Variants in ITGA11 observed in about 807,000 individuals in gnomAD.
ITGA11 encodes the protein integrin alpha-11.
Under a neutral mutation model 141.9 loss-of-function variants are expected in ITGA11, and 97 were observed. The observed-to-expected ratio is 0.68, with a 90% CI of 0.58 to 0.81. The LOEUF is 0.81. Among genes scored for constraint, ITGA11 ranks in the 30% least tolerant of loss-of-function variants. ITGA11 has a pLI of 0.00. For synonymous variants in ITGA11, 658 were observed against 624.6 expected (o/e 1.05, Z -0.80); for missense variants, 1,387 against 1,559.2 (o/e 0.89, Z 1.86).
At chr15:68,348,794 G>A (rs1358787695) in intron 10 of ITGA11, 36 bp downstream of exon 10, 5 of 1,572,096 alleles carry the variant, frequency 3.2e-6, no homozygotes, top group Middle Eastern at 1.7e-4. Flanking sequence ...TCGAGAGACA[G>A]AGGCTGGGCT....
chr15:68,348,972 C>T, intron 9 of ITGA11, 72 bp from the exon 10 acceptor site: 5 of 1,320,418 alleles, frequency 3.8e-6, no homozygotes, highest in Admixed American at 2.0e-5. Context: ...TGCTGCCCAA[C>T]CCACAGCTCC....
chr15:68,384,281 G>T (rs1375668898), intron 2 of ITGA11, among the ~76,000 whole-genome samples: 1 of 149,350 alleles, frequency 6.7e-6, no homozygotes, highest in African/African-American at 2.5e-5. Context: ...AAAAAAAAAG[G>T]AGACAGAATG....
chr15:68,350,876 G>A, intron 8 of ITGA11, 94 bp from the exon 9 acceptor site: 1 of 1,294,818 alleles, frequency 7.7e-7, no homozygotes, highest in South Asian at 1.5e-5. Context: ...CCCAGGGTGG[G>A]CTGGAGCCAG....
At position 68,325,552 on chromosome 15, in the gene ITGA11, A is replaced by G. The variant is rs1156799090; in HGVS notation, c.2212-311T>C. Reference sequence around the variant, plus strand: ...TACCTCGGCCTCTGGGAAGCCTGGCAGTGCCCGCCTGTATCCCACCCCACC... The same window carrying G: ...TACCTCGGCCTCTGGGAAGCCTGGCGGTGCCCGCCTGTATCCCACCCCACC... On this transcript the variant is annotated intron_variant, in intron 17 of 29. Coordinates refer to ENST00000315757, the MANE Select transcript of ITGA11 (RefSeq NM_001004439.2). The surrounding 1 kb of genome is among the most constrained non-coding windows in gnomAD (Gnocchi z 5.5). Among the ~76,000 whole-genome samples, 7 of 152,350 alleles carry G rather than the reference A, an allele frequency of 4.6e-5. No individual in the cohort carries two copies. In the East Asian group the frequency reaches 5.8e-4, roughly 13 times the overall value.
intron 12 of ITGA11, 78 bp from the exon 13 acceptor site, chr15:68,332,556 GGGA>G: frequency 2.0e-6 from 3 of 1,497,658 alleles, no homozygotes; most frequent in East Asian, 2.4e-5. Context: ...CGCGGGCAGA[GGGA>G]AGCCAAGGTC....
Position 68,325,203 on chromosome 15 carries a change from G to C in ITGA11, c.2250C>G (p.Val750=). Residue 750 remains valine (V), a synonymous_variant, in exon 18 of 30, where the codon GTC becomes GTG. Transcript: ENST00000315757. The surrounding 1 kb of genome is among the most constrained non-coding windows in gnomAD (Gnocchi z 5.5). ...ADYVKPVTFS[V]EYSLEDPDHG... Reference sequence around the variant, plus strand: ...GGTCAGGGTCCTCCAGGGAATACTCGACTGAGAAGGTCACTGGCTTCACGT... The same window carrying C: ...GGTCAGGGTCCTCCAGGGAATACTCCACTGAGAAGGTCACTGGCTTCACGT... 6.2e-7 allele frequency: 1 copy of C among 1,613,938 alleles called. No individual in the cohort carries two copies. The highest frequency in any genetic ancestry group is 1.1e-5 in the South Asian group (1 of 91,060).
At chr15:68,366,299 C>T (rs907244972) in intron 3 of ITGA11, among the ~76,000 whole-genome samples, 4 of 152,138 alleles carry the variant, frequency 2.6e-5, no homozygotes, top group African/African-American at 9.7e-5. Flanking sequence ...TTCCATTTTA[C>T]AGATGAGAAC....
rs1413467701 is a variant in ITGA11 at position 68,324,079 on chromosome 15, C to G, written c.2322+1052G>C. The stretch of plus-strand genomic sequence containing the variant: ...TTAGTGCGCCCAGCTTTCCCCTTCT[C>G]CCGGCTCACTAACGATGAATCCAGC... On this transcript the variant is annotated intron_variant, in intron 18 of 29. Coordinates refer to ENST00000315757, the MANE Select transcript of ITGA11 (RefSeq NM_001004439.2). This position sits in a 1 kb window ranked among gnomAD's most constrained non-coding sequence, Gnocchi z 6.3. 6.6e-6 allele frequency among the ~76,000 whole-genome samples: 1 copy of G among 152,156 alleles called. No individual in the cohort carries two copies. Among genetic ancestry groups the G allele is most frequent in the Non-Finnish European group, 1.5e-5 (1 of 68,040 alleles).
chr15:68,341,580 G>A (rs1274321334), intron 10 of ITGA11, among the ~76,000 whole-genome samples: 1 of 152,228 alleles, frequency 6.6e-6, no homozygotes, highest in Admixed American at 6.5e-5. Context: ...CCCAAAGCCT[G>A]CTGTGGGTCC....
chr15:68,332,602 G>C (rs1201741744), intron 12 of ITGA11, 124 bp from the exon 13 acceptor site: 1 of 1,086,784 alleles, frequency 9.2e-7, no homozygotes, highest in East Asian at 2.6e-5. Flanking sequence ...GTGAACAAAT[G>C]GATCCTCCCT....
intron 28 of ITGA11, among the ~76,000 whole-genome samples, chr15:68,306,358 G>A (rs1198002184): frequency 2.0e-5 from 3 of 152,080 alleles, no homozygotes; most frequent in South Asian, 2.1e-4. Context: ...GTGGGGGAGC[G>A]GGGGTGCCTG....
At chr15:68,369,034 G>A in intron 3 of ITGA11, 150 bp downstream of exon 3, 1 of 630,508 alleles carries the variant, frequency 1.6e-6, no homozygotes, top group Non-Finnish European at 2.8e-6. Flanking sequence ...GCTTCCTCAT[G>A]TGTAAAGTGG....
At chr15:68,313,911 C>A in intron 22 of ITGA11, 43 bp from the exon 23 acceptor site, 1 of 1,497,152 alleles carries the variant, frequency 6.7e-7, no homozygotes, top group Non-Finnish European at 9.3e-7. Context: ...GGGGCTCAGC[C>A]AGCACAGGCA....
rs1893815591 is a variant in ITGA11, at chr15:68,321,574, GCT to G, written c.2323-73_2323-72del. 11 of 937,344 alleles carry G rather than the reference GCT, an allele frequency of 1.2e-5. No individual in the cohort carries two copies. The Admixed American group carries it at 2.7e-4, about 23-fold the overall frequency. 58.1% of individuals were successfully genotyped at this position (937,344 alleles called of 1,614,324 possible). On this transcript the variant is annotated intron_variant, in intron 18 of 29. Transcript: ENST00000315757. The surrounding 1 kb of genome is among the most constrained non-coding windows in gnomAD (Gnocchi z 4.9). ...AGCCCCTCGCCCTCAATGTACACCA[GCT>G]CTGTCTCCACCACACTAGACATGGG...
At chr15:68,387,310 G>A (rs778939423) in intron 2 of ITGA11, among the ~76,000 whole-genome samples, 25 of 152,260 alleles carry the variant, frequency 1.6e-4, no homozygotes, top group Non-Finnish European at 2.9e-4. Flanking sequence ...CATCTACACG[G>A]TGATTCTGCC....
chr15:68,317,447 C>A, intron 20 of ITGA11, 84 bp from the exon 21 acceptor site: 1 of 938,302 alleles, frequency 1.1e-6, no homozygotes, highest in Non-Finnish European at 1.8e-6. Context: ...CCAGCCTGCA[C>A]CCCACTCTGC....
intron 13 of ITGA11, 42 bp from the exon 14 acceptor site, chr15:68,332,104 A>C (rs1383535502): frequency 6.7e-7 from 1 of 1,501,968 alleles, no homozygotes; most frequent in Non-Finnish European, 9.1e-7. Context: ...AGGGTTTGGC[A>C]AAAGTCCTCA....
rs1595891531 is a variant in ITGA11 at position 68,399,446 on chromosome 15, C to T, written c.164+3472G>A. The stretch of plus-strand genomic sequence containing the variant: ...TAGAATTACTATTTGACCCAGCAAT[C>T]CCAATTACTGGGTATATTACCCAAA... On this transcript the variant is annotated intron_variant, in intron 2 of 29. Transcript: ENST00000315757. 2.0e-5 allele frequency among the ~76,000 whole-genome samples: 3 copies of T among 152,164 alleles called. No homozygotes were observed. The East Asian group carries it at 5.8e-4, about 29-fold the overall frequency.
chr15:68,324,974 G>A lies in ITGA11; in HGVS notation c.2322+157C>T, dbSNP rs1893923625. ...GCACAGGCCCCGAGAGAGGCAGGAA[G>A]GAGCCACACTGTGGGTTTGCCAGGA... On this transcript the variant is annotated intron_variant, in intron 18 of 29. Transcript: ENST00000315757. This position sits in a 1 kb window ranked among gnomAD's most constrained non-coding sequence, Gnocchi z 6.3. Among the ~76,000 whole-genome samples the A allele has an allele frequency of 6.6e-6, 1 of 152,132 alleles. No homozygotes were observed. Among genetic ancestry groups the A allele is most frequent in the African/African-American group, 2.4e-5 (1 of 41,434 alleles).
Sources: allele counts gnomAD v4.1 joint callset (sites outside exome capture counted in the v4.1 genomes callset), GRCh38; gene constraint gnomAD v4.1.1; non-coding constraint Gnocchi (gnomAD v3.1); transcripts MANE v1.5; gene names NCBI Gene and HGNC (gene_info 2026-07-23, HGNC 2026-07-21).